DAAM1: variants seen among roughly 807,000 people sequenced by gnomAD.
DAAM1 encodes the protein dishevelled associated activator of morphogenesis 1, also known as disheveled-associated activator of morphogenesis 1.
DAAM1 carries 52 observed loss-of-function variants against 130.0 expected under a neutral mutation model. The observed-to-expected ratio is 0.40, with a 90% CI of 0.32 to 0.50. The LOEUF is 0.50. Ranked by LOEUF, DAAM1 falls within the 20% of genes least tolerant of loss-of-function variation. DAAM1 has a pLI of 0.61. For synonymous variants in DAAM1, 452 were observed against 444.5 expected, an observed-to-expected ratio of 1.02 and a Z score of -0.21; for missense variants, 1,134 against 1,303.8, an observed-to-expected ratio of 0.87 and a Z score of 2.01.
intron 22 of DAAM1, chr14:59,363,338 G>GTTT (rs1886785806): frequency 4.4e-6 from 1 of 224,798 alleles, no homozygotes; most frequent in Admixed American, 5.3e-5. Context: ...CCCATTATTT[G>GTTT]TTTAACTTCT....
intron 1 of DAAM1, among the ~76,000 whole-genome samples, chr14:59,215,586 C>T (rs1050272821): frequency 6.6e-6 from 1 of 152,178 alleles, no homozygotes; most frequent in Admixed American, 6.5e-5. Context: ...TTGCATTTGC[C>T]CTGTCGGAGC....
At chr14:59,353,441 T>C (rs1416535476) in intron 18 of DAAM1, among the ~76,000 whole-genome samples, 1 of 152,168 alleles carries the variant, frequency 6.6e-6, no homozygotes, top group Non-Finnish European at 1.5e-5. Context: ...AAATGGAAAG[T>C]TAAGAAATTT....
intron 18 of DAAM1, among the ~76,000 whole-genome samples, chr14:59,353,014 A>C (rs1268405911): frequency 6.6e-6 from 1 of 152,026 alleles, no homozygotes; most frequent in Non-Finnish European, 1.5e-5. Context: ...AAGAAAAAAA[A>C]ATATATGGAC....
Position 59,360,316 on chromosome 14 carries a change from A to T in DAAM1, c.2634-486A>T, listed in dbSNP as rs77132528. ...AACTAGTTAATACAACTTTAAGAAA[A>T]ATCATTTTTGATTGCAACTTAAGCC... On this transcript the variant is annotated intron_variant, in intron 21 of 24. Transcript: ENST00000360909. Among the ~76,000 whole-genome samples, 486 of 152,364 alleles carry T rather than the reference A, an allele frequency of 3.2e-3. 1 individual carries two copies. Among genetic ancestry groups the T allele is most frequent in the African/African-American group, 0.011 (452 of 41,584 alleles).
At chr14:59,306,747 C>T (rs1257446798) in intron 3 of DAAM1, among the ~76,000 whole-genome samples, 4 of 151,566 alleles carry the variant, frequency 2.6e-5, no homozygotes, top group African/African-American at 9.7e-5. Context: ...ACTTAACCAA[C>T]AAATTCCTGA....
intron 15 of DAAM1, 55 bp from the exon 16 acceptor site, chr14:59,340,019 T>C: frequency 1.3e-6 from 2 of 1,497,432 alleles, no homozygotes; most frequent in Non-Finnish European, 1.9e-6. Flanking sequence ...AGTGTGTATC[T>C]GAAGTCTGAA....
At chr14:59,272,634 C>T (rs149494783) in intron 2 of DAAM1, among the ~76,000 whole-genome samples, 21 of 121,394 alleles carry the variant, frequency 1.7e-4, no homozygotes, top group Non-Finnish European at 2.7e-4. Context: ...CACACACATA[C>T]ACACATATAT....
chr14:59,292,653 A>G (rs1883796052), intron 3 of DAAM1, among the ~76,000 whole-genome samples: 1 of 152,168 alleles, frequency 6.6e-6, no homozygotes, highest in African/African-American at 2.4e-5. Flanking sequence ...AAGCACATTA[A>G]TTTTCCAGCT....
At position 59,195,904 on chromosome 14, in the gene DAAM1, T is replaced by A. The variant is rs139237062; in HGVS notation, c.-38+7136T>A. ...TGTATCTTTTTTTTTTTTAAATTAATCATGCTTTTGGGGACTAGACTGTAC... is the reference window on the plus strand; with the variant it reads ...TGTATCTTTTTTTTTTTTAAATTAAACATGCTTTTGGGGACTAGACTGTAC... On this transcript the variant is annotated intron_variant, in intron 1 of 24. Coordinates refer to ENST00000360909, the MANE Select transcript of DAAM1 (RefSeq NM_001270520.2). Among the ~76,000 whole-genome samples, 413 of 152,038 alleles carry A rather than the reference T, an allele frequency of 2.7e-3. 2 individuals are homozygous for A. Among genetic ancestry groups the A allele is most frequent in the African/African-American group, 9.5e-3 (394 of 41,432 alleles).
chr14:59,339,930 T>A, intron 15 of DAAM1, 144 bp from the exon 16 acceptor site: 1 of 550,830 alleles, frequency 1.8e-6, no homozygotes. Context: ...TCCATCATTC[T>A]CCACACTTCC....
intron 22 of DAAM1, chr14:59,363,211 T>A (rs1886779339): frequency 5.8e-6 from 1 of 172,302 alleles, no homozygotes; most frequent in Admixed American, 5.7e-5. Context: ...GTTTAAGAAG[T>A]AAATAGACTT....
intron 16 of DAAM1, among the ~76,000 whole-genome samples, chr14:59,342,654 T>TAAC (rs1444945028): frequency 6.6e-6 from 1 of 152,282 alleles, no homozygotes; most frequent in East Asian, 1.9e-4. Context: ...AAAGTTAAGA[T>TAAC]AACGTTGCTG....
intron 1 of DAAM1, among the ~76,000 whole-genome samples, chr14:59,201,793 CAAA>C (rs75591936): frequency 2.0e-5 from 2 of 101,532 alleles, no homozygotes; most frequent in African/African-American, 3.4e-5. Flanking sequence ...GATACTGTCT[CAAA>C]AAAAAAAAAA....
intron 2 of DAAM1, among the ~76,000 whole-genome samples, chr14:59,280,535 C>CTTTTTTTTTTTTTTTT (rs35354608): frequency 1.6e-3 from 146 of 90,640 alleles, no homozygotes; most frequent in Non-Finnish European, 2.0e-3. Flanking sequence ...GCACACCTTC[C>CTTTTTTTTTTTTTTTT]TTTTTTTTTT....
intron 3 of DAAM1, among the ~76,000 whole-genome samples, chr14:59,313,878 C>CT (rs1309300023): frequency 6.6e-6 from 1 of 152,192 alleles, no homozygotes; most frequent in Non-Finnish European, 1.5e-5. Flanking sequence ...ACTTCAAAGC[C>CT]TCTGCTGTAG....
chr14:59,194,128 A>G (rs201739270), intron 1 of DAAM1, among the ~76,000 whole-genome samples: 1,432 of 116,852 alleles, frequency 0.012, 21 homozygotes, highest in African/African-American at 0.038. Context: ...TTCTTTATAC[A>G]TCCTGATGTT....
chr14:59,224,546 C>T (rs1365272246), intron 1 of DAAM1, among the ~76,000 whole-genome samples: 1 of 152,204 alleles, frequency 6.6e-6, no homozygotes, highest in African/African-American at 2.4e-5. Flanking sequence ...AGGGAATTTG[C>T]CTCAGATGAA....
intron 24 of DAAM1, 146 bp from the exon 25 acceptor site, chr14:59,368,504 C>T (rs745955693): frequency 8.7e-6 from 7 of 803,426 alleles, no homozygotes; most frequent in Non-Finnish European, 1.3e-5. Flanking sequence ...TCCAATTCCC[C>T]CTTTCTTGTG....
chr14:59,286,857 T>C (rs1033507339), intron 2 of DAAM1, among the ~76,000 whole-genome samples: 6 of 152,094 alleles, frequency 3.9e-5, no homozygotes, highest in African/African-American at 1.4e-4. Flanking sequence ...CTACCAGATA[T>C]ATGAAGAAGA....
Sources: gnomAD v4.1 joint callset for allele counts (sites outside exome capture counted in the v4.1 genomes callset) on GRCh38, gnomAD v4.1.1 for gene constraint, MANE v1.5 for transcripts, NCBI Gene and HGNC (gene_info 2026-07-23, HGNC 2026-07-21) for gene names.